Variants in CDH12 observed in about 807,000 individuals in gnomAD.
CDH12 encodes cadherin-12.
Under a neutral mutation model 74.1 loss-of-function variants are expected in CDH12, and 41 were observed. The observed-to-expected ratio is 0.55, with a 90% confidence interval of 0.43 to 0.72. CDH12 has a LOEUF of 0.72. Ranked by LOEUF, CDH12 falls within the 30% of genes least tolerant of loss-of-function variation. CDH12 has a pLI of 0.00. For missense variants in CDH12, 945 were observed against 977.2 expected, an observed-to-expected ratio of 0.97 and a Z score of 0.44; for synonymous variants, 399 against 355.0, an observed-to-expected ratio of 1.12 and a Z score of -1.39.
chr5:21,989,308 C>G (rs1757651098), intron 5 of CDH12, among the ~76,000 whole-genome samples: 1 of 152,144 alleles, frequency 6.6e-6, no homozygotes. Context: ...TTAGTAAATT[C>G]TTCCCACAAA....
chr5:22,211,000 C>A (rs538036014), intron 4 of CDH12, among the ~76,000 whole-genome samples: 1 of 152,184 alleles, frequency 6.6e-6, no homozygotes, highest in Admixed American at 6.5e-5. Flanking sequence ...TAGCTACAAA[C>A]ATACTGGTAG....
chr5:22,071,486 A>T (rs1741935048), intron 5 of CDH12, among the ~76,000 whole-genome samples: 1 of 152,150 alleles, frequency 6.6e-6, no homozygotes, highest in African/African-American at 2.4e-5. Flanking sequence ...GTGGAGTTCA[A>T]CATTTGTTGT....
chr5:22,064,592 C>A (rs553011999), intron 5 of CDH12, among the ~76,000 whole-genome samples: 2 of 152,260 alleles, frequency 1.3e-5, no homozygotes, highest in African/African-American at 4.8e-5. Context: ...CTACTGGATT[C>A]TCCTAACCAA....
chr5:22,110,532 A>G (rs1199403330), intron 4 of CDH12, among the ~76,000 whole-genome samples: 3 of 151,596 alleles, frequency 2.0e-5, no homozygotes, highest in African/African-American at 4.8e-5. Flanking sequence ...GTGCAATCAT[A>G]GGGTTGTGGG....
intron 4 of CDH12, among the ~76,000 whole-genome samples, chr5:22,106,091 T>C (rs965756048): frequency 6.6e-6 from 1 of 152,100 alleles, no homozygotes; most frequent in Non-Finnish European, 1.5e-5. Context: ...GATTTCTCTG[T>C]GTTAAAGAAG....
intron 6 of CDH12, among the ~76,000 whole-genome samples, chr5:21,953,962 A>G (rs1441150942): frequency 1.3e-5 from 2 of 152,124 alleles, no homozygotes; most frequent in African/African-American, 2.4e-5. Flanking sequence ...ATAGACACCA[A>G]TTGCAAATGA....
At chr5:22,337,579 A>T (rs1259740430) in intron 3 of CDH12, among the ~76,000 whole-genome samples, 2 of 152,066 alleles carry the variant, frequency 1.3e-5, no homozygotes, top group Non-Finnish European at 2.9e-5. Flanking sequence ...CACAATCTCT[A>T]TTTGCCTGCT....
At chr5:21,781,035 T>C (rs1004885598) in intron 11 of CDH12, among the ~76,000 whole-genome samples, 1 of 152,118 alleles carries the variant, frequency 6.6e-6, no homozygotes, top group Admixed American at 6.5e-5. Context: ...ATATGACTGC[T>C]TGGTAGCTAA....
chr5:22,598,794 A>G (rs1736718008), intron 1 of CDH12, among the ~76,000 whole-genome samples: 1 of 152,144 alleles, frequency 6.6e-6, no homozygotes, highest in Non-Finnish European at 1.5e-5. Context: ...AACTATACAC[A>G]TATGCACACA....
At chr5:22,438,488 T>C (rs1239497822) in intron 2 of CDH12, among the ~76,000 whole-genome samples, 2 of 152,068 alleles carry the variant, frequency 1.3e-5, no homozygotes, top group Admixed American at 1.3e-4. Context: ...AGTTCAAATC[T>C]AAAACACAGC....
chr5:21,935,007 G>C (rs1402246832), intron 6 of CDH12, among the ~76,000 whole-genome samples: 4 of 151,986 alleles, frequency 2.6e-5, no homozygotes, highest in Admixed American at 6.6e-5. Flanking sequence ...AGGATGGTCT[G>C]GATCTCCTGA....
chr5:22,074,552 G>C (rs575739233), intron 5 of CDH12, among the ~76,000 whole-genome samples: 1 of 152,170 alleles, frequency 6.6e-6, no homozygotes, highest in East Asian at 1.9e-4. Context: ...GAAAATTTTT[G>C]CCATCTACTC....
intron 2 of CDH12, among the ~76,000 whole-genome samples, chr5:22,411,790 G>T (rs949536396): frequency 6.6e-6 from 1 of 151,806 alleles, no homozygotes; most frequent in Admixed American, 6.6e-5. Context: ...ATAGCTTCCC[G>T]GAAAATAATC....
chr5:22,703,826 C>T (rs984488078), intron 1 of CDH12, among the ~76,000 whole-genome samples: 3 of 152,112 alleles, frequency 2.0e-5, no homozygotes, highest in African/African-American at 7.2e-5. Flanking sequence ...GCTGGTTTTT[C>T]ATCCTAAATG....
intron 1 of CDH12, among the ~76,000 whole-genome samples, chr5:22,650,236 T>C (rs183472699): frequency 6.6e-6 from 1 of 151,998 alleles, no homozygotes; most frequent in African/African-American, 2.4e-5. Context: ...GCAAAATCTT[T>C]GGGAAGATGC....
At chr5:21,804,700 G>A (rs1747337964) in intron 9 of CDH12, among the ~76,000 whole-genome samples, 1 of 141,918 alleles carries the variant, frequency 7.0e-6, no homozygotes, top group African/African-American at 2.6e-5. Context: ...ACACATAGAT[G>A]TTTTACGTGG....
intron 3 of CDH12, among the ~76,000 whole-genome samples, chr5:22,364,426 A>T (rs984318166): frequency 2.6e-5 from 4 of 152,172 alleles, no homozygotes; most frequent in African/African-American, 9.7e-5. Context: ...ATCTCCTGGA[A>T]ATTAACTTAC....
intron 4 of CDH12, among the ~76,000 whole-genome samples, chr5:22,191,410 G>A (rs1750267268): frequency 6.6e-6 from 1 of 151,960 alleles, no homozygotes; most frequent in Non-Finnish European, 1.5e-5. Flanking sequence ...ACACACAAGA[G>A]ACTCTACACT....
At chr5:22,577,729 C>T (rs1739864191) in intron 1 of CDH12, among the ~76,000 whole-genome samples, 1 of 152,156 alleles carries the variant, frequency 6.6e-6, no homozygotes, top group Admixed American at 6.5e-5. Flanking sequence ...TAACGGGAAA[C>T]ATACTGGATT....
Sources: allele counts gnomAD v4.1 joint callset (sites outside exome capture counted in the v4.1 genomes callset), GRCh38; gene constraint gnomAD v4.1.1; transcripts MANE v1.5; gene names NCBI Gene and HGNC (gene_info 2026-07-23, HGNC 2026-07-21).